TSPAN17: variants seen among roughly 807,000 people sequenced by gnomAD.
The protein encoded by TSPAN17 is tetraspanin 17.
In TSPAN17, 33 loss-of-function variants were observed where a neutral mutation model predicts 40.5. That is an observed-to-expected ratio of 0.81 (90% CI 0.62 to 1.09). The LOEUF (loss-of-function observed/expected upper bound fraction) is 1.09. Ranked by LOEUF, TSPAN17 falls within the 50% of genes least tolerant of loss-of-function variation. The pLI is 0.00. For missense variants in TSPAN17, 365 were observed against 416.8 expected (o/e 0.88, Z 1.08); for synonymous variants, 166 against 169.4 (o/e 0.98, Z 0.15).
chr5:176,652,569 A>G lies in TSPAN17; in HGVS notation c.286-174A>G, dbSNP rs77779064. Among the ~76,000 whole-genome samples the G allele has an allele frequency of 8.4e-4, 128 of 152,286 alleles. 3 individuals are homozygous for G. The East Asian group carries it at 0.023, about 28-fold the overall frequency. ...GGGAATTGGATGGGTAGGTAACAAC[A>G]GATGCCTATTACCATCATATAACAA... On this transcript the variant is annotated intron_variant, in intron 3 of 8. Transcript: ENST00000508164.
Position 176,647,503 on chromosome 5 carries a change from A to C in TSPAN17, c.-113A>C. On this transcript the variant is annotated 5_prime_UTR_variant, in exon 1 of 9. The change abolishes an upstream ATG in the 5' untranslated region. Coordinates refer to ENST00000508164, the MANE Select transcript of TSPAN17 (RefSeq NM_130465.5). Reference sequence around the variant, plus strand: ...ACCGGCGCTCTGTGTGGCCGAGGCCATGAAGCCGCAGCCGCCCGGCTAGGC... The same window carrying C: ...ACCGGCGCTCTGTGTGGCCGAGGCCCTGAAGCCGCAGCCGCCCGGCTAGGC... The C allele has an allele frequency of 4.2e-6, 3 of 722,806 alleles. No homozygotes were observed. The highest frequency in any genetic ancestry group is 5.9e-5 in the South Asian group (2 of 33,878). 44.8% of individuals were successfully genotyped at this position (722,806 alleles called of 1,614,324 possible).
At chr5:176,653,083 C>A in intron 4 of TSPAN17, 170 bp downstream of exon 4, 1 of 662,448 alleles carries the variant, frequency 1.5e-6, no homozygotes. Flanking sequence ...CCTGCTGATC[C>A]TTATGGGTCC....
intron 1 of TSPAN17, among the ~76,000 whole-genome samples, chr5:176,649,971 A>C (rs759437583): frequency 6.6e-6 from 1 of 152,104 alleles, no homozygotes; most frequent in Non-Finnish European, 1.5e-5. Flanking sequence ...CAACCCCAGC[A>C]TCCCCCATCT....
chr5:176,652,668 G>A, intron 3 of TSPAN17, 75 bp from the exon 4 acceptor site: 2 of 1,477,088 alleles, frequency 1.4e-6, no homozygotes, highest in Admixed American at 3.6e-5. Flanking sequence ...GCCCTTCCCT[G>A]TGGCACACCC....
rs763928395 is a variant in TSPAN17, at chr5:176,652,871, C to T, written c.414C>T (p.Asp138=). ...FINNNVKAYR[D]DIDLQNLIDF... is the part of the protein sequence containing the mutation. ...ACAACAACGTCAAGGCCTACCGGGACGACATTGACCTCCAGAACCTCATTG... is the reference window on the plus strand; with the variant it reads ...ACAACAACGTCAAGGCCTACCGGGATGACATTGACCTCCAGAACCTCATTG... Residue 138 remains aspartate (D), a synonymous_variant, in exon 4 of 9, where the codon GAC becomes GAT. Transcript: ENST00000508164. The T allele has an allele frequency of 2.5e-6, 4 of 1,614,194 alleles. No homozygotes were observed. The highest frequency in any genetic ancestry group is 1.1e-5 in the South Asian group (1 of 91,088).
chr5:176,655,057 C>G, intron 5 of TSPAN17, 37 bp downstream of exon 5: 3 of 1,573,608 alleles, frequency 1.9e-6, no homozygotes, highest in Non-Finnish European at 1.7e-6. Context: ...AAGGGACTTT[C>G]CAGTGCACAG....
intron 4 of TSPAN17, chr5:176,653,166 G>C (rs1482153235): frequency 4.9e-6 from 2 of 404,992 alleles, no homozygotes; most frequent in African/African-American, 3.9e-5. Flanking sequence ...CAGCTCCCAG[G>C]CCAGGGCCTA....
In TSPAN17 at chr5:176,656,773, T is replaced by C. The variant is rs1233396435; in HGVS notation, c.704T>C (p.Leu235Pro). 1.2e-6 allele frequency: 2 copies of C among 1,614,208 alleles called. No individual in the cohort carries two copies. The highest frequency in any genetic ancestry group is 1.7e-5 in the Admixed American group (1 of 60,030). Reference protein sequence around the residue: ...GQFEKWLQDNLIVVAGVFMGI... With the variant: ...GQFEKWLQDNPIVVAGVFMGI... ...TTTGAGAAGTGGCTGCAGGACAACCTGATTGTGGTGGCGGGAGTCTTCATG... is the reference window on the plus strand; with the variant it reads ...TTTGAGAAGTGGCTGCAGGACAACCCGATTGTGGTGGCGGGAGTCTTCATG... The change falls in exon 7 of 9, where the codon CTG (leucine) becomes CCG (proline). Residue 235 changes from leucine (L) to proline (P), a missense_variant. By Grantham distance (98) the Leu-to-Pro change is moderately conservative. Transcript: ENST00000508164.
rs1017026597 is a variant in TSPAN17 at position 176,647,683 on chromosome 5, G to C, written c.68G>C (p.Gly23Ala). ...TGCTGCGGGAAATACTTCCTGTTTG[G>C]CTTCAACATTGTCTTCTGGGTGAGC... ...VGCCGKYFLF[G>A]FNIVFWVLGA... Residue 23 changes from glycine (G) to alanine (A), a missense_variant, in exon 1 of 9, where the codon GGC becomes GCC. Gly to Ala is a moderately conservative substitution (Grantham distance 60). Coordinates refer to ENST00000508164, the MANE Select transcript of TSPAN17 (RefSeq NM_130465.5). 6 of 1,600,146 alleles carry C rather than the reference G, an allele frequency of 3.7e-6. No individual in the cohort carries two copies. The highest frequency in any genetic ancestry group is 5.1e-6 in the Non-Finnish European group (6 of 1,174,110).
chr5:176,658,003 T>G lies in TSPAN17; in HGVS notation c.*305T>G. 1 of 281,018 alleles carries G rather than the reference T, an allele frequency of 3.6e-6. No individual in the cohort carries two copies. Among genetic ancestry groups the G allele is most frequent in the Non-Finnish European group, 6.5e-6 (1 of 153,358 alleles). 17.4% of individuals were successfully genotyped at this position (281,018 alleles called of 1,614,324 possible). A position where few individuals can be genotyped will look rare whatever the true frequency, so the allele number is the denominator to read the frequency against. Reference sequence around the variant, plus strand: ...GGGTGCAGCCTGGGAAGGGCGGCCTTGCTGGGGACTGCGGTGGGAGTAGAG... The same window carrying G: ...GGGTGCAGCCTGGGAAGGGCGGCCTGGCTGGGGACTGCGGTGGGAGTAGAG... On this transcript the variant is annotated 3_prime_UTR_variant, in exon 9 of 9. Transcript: ENST00000508164.
In TSPAN17 at chr5:176,655,056, T is replaced by C. The variant is rs764130408; in HGVS notation, c.582+36T>C. 5.1e-6 allele frequency: 8 copies of C among 1,574,606 alleles called. No individual in the cohort carries two copies. In the South Asian group the frequency reaches 9.2e-5, roughly 18 times the overall value. On this transcript the variant is annotated intron_variant, in intron 5 of 8. Coordinates refer to ENST00000508164, the MANE Select transcript of TSPAN17 (RefSeq NM_130465.5). Reference sequence around the variant, plus strand: ...CTGGGGGAGGAGAGGTAAGGGACTTTCCAGTGCACAGACTCTGGAGAAACC... The same window carrying C: ...CTGGGGGAGGAGAGGTAAGGGACTTCCCAGTGCACAGACTCTGGAGAAACC...
In TSPAN17 at chr5:176,647,756, A is replaced by T. The variant is rs1359741590; in HGVS notation, c.87+54A>T. ...TGCTGGGGGGTGGTGGGAGAGGGAG[A>T]TTCAGTCTTTTGCTGGGGGAGACCA... On this transcript the variant is annotated intron_variant, in intron 1 of 8. Coordinates refer to ENST00000508164, the MANE Select transcript of TSPAN17 (RefSeq NM_130465.5). 4.0e-6 allele frequency: 6 copies of T among 1,496,154 alleles called. No homozygotes were observed. In the African/African-American group the frequency reaches 5.6e-5, roughly 14 times the overall value. 92.7% of individuals were successfully genotyped at this position (1,496,154 alleles called of 1,614,324 possible). A position where few individuals can be genotyped will look rare whatever the true frequency, so the allele number is the denominator to read the frequency against.
Position 176,656,059 on chromosome 5 carries a change from C to T in TSPAN17, c.583-19C>T. 6.2e-7 allele frequency: 1 copy of T among 1,614,040 alleles called. No homozygotes were observed. Among genetic ancestry groups the T allele is most frequent in the East Asian group, 2.2e-5 (1 of 44,880 alleles). ...GGATGCGTCCTCACCAAGTCACTAA[C>T]TGGCCTGTCTCCCCTCAGGAGGATG... On this transcript the variant is annotated intron_variant, in intron 5 of 8. Coordinates refer to ENST00000508164, the MANE Select transcript of TSPAN17 (RefSeq NM_130465.5).
At chr5:176,649,080 C>T (rs897936331) in intron 1 of TSPAN17, among the ~76,000 whole-genome samples, 1 of 151,976 alleles carries the variant, frequency 6.6e-6, no homozygotes, top group Non-Finnish European at 1.5e-5. Flanking sequence ...CATGGAGAAG[C>T]GAGGGCTTCC....
In TSPAN17 at chr5:176,656,091, A is replaced by C; in HGVS notation, c.596A>C (p.Asn199Thr). Residue 199 changes from asparagine (N) to threonine (T), a missense_variant, in exon 6 of 9, where the codon AAC (asparagine) becomes ACC (threonine). Asn to Thr is a moderately conservative substitution (Grantham distance 65). Transcript: ENST00000508164. ...GTCTCCCCTCAGGAGGATGTCCTCA[A>C]CACCCAGTGTGGCTACGACGTCCGG... is the stretch of plus-strand genomic sequence containing the variant. ...CVRDPAEDVL[N>T]TQCGYDVRLK... 2.5e-6 allele frequency: 4 copies of C among 1,614,146 alleles called. No homozygotes were observed. The highest frequency in any genetic ancestry group is 3.4e-6 in the Non-Finnish European group (4 of 1,180,008).
chr5:176,654,762 G>A lies in TSPAN17; in HGVS notation c.457-133G>A, dbSNP rs1761086682. ...GGGCCCAGGCCTGTGGGGGTGGGGA[G>A]GTGGCCACCCACTTGGCTGTCCCAG... On this transcript the variant is annotated intron_variant, in intron 4 of 8. Coordinates refer to ENST00000508164, the MANE Select transcript of TSPAN17 (RefSeq NM_130465.5). The surrounding 1 kb of genome is among the most constrained non-coding windows in gnomAD (Gnocchi z 4.3). 8.5e-7 allele frequency: 1 copy of A among 1,182,762 alleles called. No individual in the cohort carries two copies. The highest frequency in any genetic ancestry group is 1.2e-6 in the Non-Finnish European group (1 of 852,046). The allele number at this position is 1,182,762 out of a possible 1,614,324, so 73.3% of individuals were successfully genotyped here. A position where few individuals can be genotyped will look rare whatever the true frequency, so the allele number is the denominator to read the frequency against.
chr5:176,652,841 C>T lies in TSPAN17; in HGVS notation c.384C>T (p.Phe128=), dbSNP rs1761021359. The T allele has an allele frequency of 6.2e-7, 1 of 1,614,222 alleles. No homozygotes were observed. The highest frequency in any genetic ancestry group is 1.1e-5 in the South Asian group (1 of 91,082). Residue 128 remains phenylalanine, a synonymous_variant, in exon 4 of 9, where the codon TTC becomes TTT. Transcript: ENST00000508164. ...KDWIRDQLNL[F]INNNVKAYRD... ...GGATTCGAGACCAGCTCAACCTCTT[C>T]ATCAACAACAACGTCAAGGCCTACC...
At position 176,651,748 on chromosome 5, in the gene TSPAN17, G is replaced by T; in HGVS notation, c.139-6G>T. 6.2e-7 allele frequency: 1 copy of T among 1,614,134 alleles called. No individual in the cohort carries two copies. Among genetic ancestry groups the T allele is most frequent in the Admixed American group, 1.7e-5 (1 of 60,022 alleles). The stretch of plus-strand genomic sequence containing the variant: ...TCCCCACACCTGCCTCTGCTGCCCG[G>T]CACAGGGCGTTCTCTCGAACATCTC... On this transcript the variant is annotated splice_region_variant and splice_polypyrimidine_tract_variant and intron_variant, in intron 2 of 8. Coordinates refer to ENST00000508164, the MANE Select transcript of TSPAN17 (RefSeq NM_130465.5). The surrounding 1 kb of genome is among the most constrained non-coding windows in gnomAD (Gnocchi z 4.5).
Position 176,657,816 on chromosome 5 carries a change from C to A in TSPAN17, c.*118C>A. 4 of 1,490,556 alleles carry A rather than the reference C, an allele frequency of 2.7e-6. No individual in the cohort carries two copies. The East Asian group carries it at 7.0e-5, about 26-fold the overall frequency. The allele number at this position is 1,490,556 out of a possible 1,614,324, so 92.3% of individuals were successfully genotyped here. A position where few individuals can be genotyped will look rare whatever the true frequency, so the allele number is the denominator to read the frequency against. The stretch of plus-strand genomic sequence containing the variant: ...CCTCCCCAGTCACCAAGGGCCCCAG[C>A]TGGCCCGTTCTACTCACCTAAGTGC... On this transcript the variant is annotated 3_prime_UTR_variant, in exon 9 of 9. Coordinates refer to ENST00000508164, the MANE Select transcript of TSPAN17 (RefSeq NM_130465.5).
Sources: gnomAD v4.1 joint callset for allele counts (sites outside exome capture counted in the v4.1 genomes callset) on GRCh38, gnomAD v4.1.1 for gene constraint, Gnocchi (gnomAD v3.1) non-coding constraint, MANE v1.5 for transcripts, NCBI Gene and HGNC (gene_info 2026-07-23, HGNC 2026-07-21) for gene names.